PTPRN2: variants seen among roughly 807,000 people sequenced by gnomAD.
PTPRN2 encodes receptor-type tyrosine-protein phosphatase N2.
Under a neutral mutation model 118.8 loss-of-function variants are expected in PTPRN2, and 74 were observed. The ratio of observed to expected loss-of-function variants is 0.62; its 90% CI spans 0.52 to 0.76. PTPRN2 has a LOEUF of 0.76. PTPRN2 is among the 30% of genes least tolerant of loss of function. The pLI is 0.00. For missense variants in PTPRN2, 1,481 were observed against 1,394.4 expected, an observed-to-expected ratio of 1.06 and a Z score of -0.99; for synonymous variants, 641 against 608.0, an observed-to-expected ratio of 1.05 and a Z score of -0.80.
At chr7:157,582,601 C>T (rs1020336083) in intron 17 of PTPRN2, among the ~76,000 whole-genome samples, 2 of 152,140 alleles carry the variant, frequency 1.3e-5, no homozygotes, top group East Asian at 1.9e-4. Flanking sequence ...GAGGGCCAGG[C>T]ACGGTGGCTC....
chr7:158,078,546 G>A (rs1563403035), intron 11 of PTPRN2, among the ~76,000 whole-genome samples: 1 of 152,242 alleles, frequency 6.6e-6, no homozygotes, highest in Non-Finnish European at 1.5e-5. Context: ...ATTCTTCCCT[G>A]CTATCATGTC....
At chr7:157,741,432 G>A (rs769046529) in intron 12 of PTPRN2, among the ~76,000 whole-genome samples, 18 of 152,090 alleles carry the variant, frequency 1.2e-4, no homozygotes, top group Non-Finnish European at 2.2e-4. Context: ...AAGGCTCTTC[G>A]GCACCTAGAG....
intron 3 of PTPRN2, among the ~76,000 whole-genome samples, chr7:158,265,326 G>A (rs1797799232): frequency 6.6e-6 from 1 of 152,070 alleles, no homozygotes; most frequent in African/African-American, 2.4e-5. Context: ...ACACCTGCAG[G>A]GGCACACTTG....
At chr7:157,548,915 G>A (rs1487333473) in intron 22 of PTPRN2, 31 bp downstream of exon 22, 1 of 1,603,366 alleles carries the variant, frequency 6.2e-7, no homozygotes, top group East Asian at 2.2e-5. Context: ...CCTTGAATGG[G>A]TCTGCGTCCC....
chr7:158,279,679 C>A (rs1218552477), intron 3 of PTPRN2, among the ~76,000 whole-genome samples: 2 of 152,214 alleles, frequency 1.3e-5, no homozygotes, highest in Middle Eastern at 3.4e-3. Context: ...GGCCCACAAG[C>A]CCCGTGTGCA....
rs1048411741 is a variant in PTPRN2, at chr7:157,583,907, C to T, written c.2497-5767G>A. ...AAACACACACACACACACACACACACACACACACACACACACACACACACA... is the reference window on the plus strand; with the variant it reads ...AAACACACACACACACACACACACATACACACACACACACACACACACACA... On this transcript the variant is annotated intron_variant, in intron 17 of 22. Transcript: ENST00000389418. This position sits in a 1 kb window ranked among gnomAD's most constrained non-coding sequence, Gnocchi z 5.5. Among the ~76,000 whole-genome samples, 2 of 150,526 alleles carry T rather than the reference C, an allele frequency of 1.3e-5. No homozygotes were observed. Among genetic ancestry groups the T allele is most frequent in the African/African-American group, 5.0e-5 (2 of 40,248 alleles).
intron 12 of PTPRN2, among the ~76,000 whole-genome samples, chr7:157,766,507 T>C (rs1315903072): frequency 6.6e-6 from 1 of 152,206 alleles, no homozygotes; most frequent in Non-Finnish European, 1.5e-5. Context: ...GATCCACCCA[T>C]AAACAAACAC....
intron 3 of PTPRN2, among the ~76,000 whole-genome samples, chr7:158,253,400 T>C (rs1252499161): frequency 2.6e-5 from 4 of 152,194 alleles, no homozygotes; most frequent in Non-Finnish European, 4.4e-5. Context: ...CACAGAAGTG[T>C]TTTATGCTGC....
intron 12 of PTPRN2, among the ~76,000 whole-genome samples, chr7:157,812,192 C>T (rs766227922): frequency 6.6e-6 from 1 of 152,160 alleles, no homozygotes; most frequent in Non-Finnish European, 1.5e-5. Flanking sequence ...CATCGCAGCC[C>T]CTTTTGGATG....
At chr7:157,659,281 G>A (rs566894952) in intron 13 of PTPRN2, among the ~76,000 whole-genome samples, 2 of 144,380 alleles carry the variant, frequency 1.4e-5, no homozygotes, top group East Asian at 4.2e-4. Flanking sequence ...ATGACCGCGG[G>A]GACTGGGAGG....
intron 2 of PTPRN2, among the ~76,000 whole-genome samples, chr7:158,440,672 CAG>C (rs1435024021): frequency 7.9e-6 from 1 of 126,714 alleles, no homozygotes; most frequent in Non-Finnish European, 1.7e-5. Context: ...GTGATAGTGA[CAG>C]GGTGGTGGTG....
chr7:158,177,979 G>A (rs1216064250), intron 5 of PTPRN2, among the ~76,000 whole-genome samples: 1 of 152,154 alleles, frequency 6.6e-6, no homozygotes. Flanking sequence ...ATTTCCACTG[G>A]TGGCATATGA....
Position 158,327,113 on chromosome 7 carries a change from TCA to T in PTPRN2, c.164-10183_164-10182del, listed in dbSNP as rs546909775. Reference sequence around the variant, plus strand: ...CACTCATTCTCACCCATGCACATTCTCACACAAGCACACACATACACACTCAT... The same window carrying T: ...CACTCATTCTCACCCATGCACATTCTCACAAGCACACACATACACACTCAT... On this transcript the variant is annotated intron_variant, in intron 2 of 22. Transcript: ENST00000389418. Among the ~76,000 whole-genome samples, 129 of 144,380 alleles carry T rather than the reference TCA, an allele frequency of 8.9e-4. 3 individuals carry two copies. In the South Asian group the frequency reaches 0.029, roughly 32 times the overall value. 94.7% of individuals were successfully genotyped at this position (144,380 alleles called of 152,430 possible).
chr7:157,879,023 T>C (rs1364672287), intron 12 of PTPRN2, among the ~76,000 whole-genome samples: 3 of 143,804 alleles, frequency 2.1e-5, no homozygotes, highest in African/African-American at 8.0e-5. Flanking sequence ...GAAGGGTCAG[T>C]GTGATACCGT....
intron 11 of PTPRN2, among the ~76,000 whole-genome samples, chr7:158,005,215 C>T (rs1223489196): frequency 1.3e-5 from 2 of 152,022 alleles, no homozygotes; most frequent in African/African-American, 2.4e-5. Context: ...GCTGGGATTA[C>T]AGGCGTGAGC....
At chr7:157,556,993 A>G (rs1020528255) in intron 21 of PTPRN2, among the ~76,000 whole-genome samples, 81 of 151,462 alleles carry the variant, frequency 5.3e-4, no homozygotes, top group African/African-American at 1.9e-3. Flanking sequence ...AATGTCATAC[A>G]TATGCACATG....
At chr7:157,720,474 A>G (rs1437050092) in intron 12 of PTPRN2, among the ~76,000 whole-genome samples, 2 of 152,222 alleles carry the variant, frequency 1.3e-5, no homozygotes, top group Non-Finnish European at 2.9e-5. Flanking sequence ...ACCCGGGTCA[A>G]GGGCAAATCC....
At chr7:157,546,358 G>A (rs560819282) in intron 22 of PTPRN2, among the ~76,000 whole-genome samples, 78 of 152,202 alleles carry the variant, frequency 5.1e-4, no homozygotes, top group Non-Finnish European at 1.0e-3. Context: ...ATGGTGGTTT[G>A]CCGCACCCAT....
chr7:158,052,374 T>A (rs142219164), intron 11 of PTPRN2, among the ~76,000 whole-genome samples: 1 of 152,326 alleles, frequency 6.6e-6, no homozygotes, highest in East Asian at 1.9e-4. Flanking sequence ...TTAATTAGAT[T>A]CCTCTAGAAG....
Sources: gnomAD v4.1 joint callset for allele counts (sites outside exome capture counted in the v4.1 genomes callset) on GRCh38, gnomAD v4.1.1 for gene constraint, Gnocchi (gnomAD v3.1) non-coding constraint, MANE v1.5 for transcripts, NCBI Gene and HGNC (gene_info 2026-07-23, HGNC 2026-07-21) for gene names.